The following LRP1B variants were observed in gnomAD, a reference collection of about 807,000 sequenced individuals.
LRP1B encodes low-density lipoprotein receptor-related protein 1B.
LRP1B carries 217 observed loss-of-function variants against 556.6 expected under a neutral mutation model. The observed-to-expected ratio is 0.39, with a 90% CI of 0.35 to 0.44. LRP1B has a LOEUF of 0.44. Among genes scored for constraint, LRP1B ranks in the 20% least tolerant of loss-of-function variants. The pLI is 1.00. For missense variants in LRP1B, 5,053 were observed against 5,620.8 expected (o/e 0.90, Z 3.23); for synonymous variants, 2,047 against 1,865.8 (o/e 1.10, Z -2.50).
At chr2:141,056,712 C>A (rs1294941286) in intron 9 of LRP1B, among the ~76,000 whole-genome samples, 1 of 151,850 alleles carries the variant, frequency 6.6e-6, no homozygotes, top group Non-Finnish European at 1.5e-5. Flanking sequence ...GTGATTACTG[C>A]CTTGGTGTTC....
chr2:140,822,909 A>G (rs574787743), intron 31 of LRP1B, among the ~76,000 whole-genome samples: 1 of 152,350 alleles, frequency 6.6e-6, no homozygotes, highest in East Asian at 1.9e-4. Flanking sequence ...CTGAATCTAT[A>G]AAGGAAGGAA....
chr2:141,211,883 C>T (rs1682569906), intron 6 of LRP1B, among the ~76,000 whole-genome samples: 1 of 152,092 alleles, frequency 6.6e-6, no homozygotes, highest in South Asian at 2.1e-4. Context: ...GCCTGATCTC[C>T]TCACTGAAAT....
chr2:141,946,447 G>C (rs563821110), intron 1 of LRP1B, among the ~76,000 whole-genome samples: 2 of 152,284 alleles, frequency 1.3e-5, no homozygotes, highest in East Asian at 3.9e-4. Flanking sequence ...ACGTGAATGA[G>C]ATTAGGTGAA....
At chr2:140,563,365 G>A (rs1398620372) in intron 43 of LRP1B, among the ~76,000 whole-genome samples, 1 of 152,104 alleles carries the variant, frequency 6.6e-6, no homozygotes, top group African/African-American at 2.4e-5. Context: ...TTCTTCTATT[G>A]CTTAGATAAT....
chr2:140,700,205 A>G, intron 41 of LRP1B, 45 bp downstream of exon 41: 1 of 1,500,930 alleles, frequency 6.7e-7, no homozygotes, highest in Non-Finnish European at 9.2e-7. Context: ...AGTAATCTAA[A>G]TGATACTCAT....
intron 18 of LRP1B, among the ~76,000 whole-genome samples, chr2:140,966,500 C>T (rs1482629590): frequency 6.6e-6 from 1 of 152,092 alleles, no homozygotes; most frequent in Admixed American, 6.6e-5. Flanking sequence ...CTGTAGGTTG[C>T]CTGTTCACTC....
At chr2:140,909,136 C>G (rs1056956649) in intron 21 of LRP1B, among the ~76,000 whole-genome samples, 1 of 152,070 alleles carries the variant, frequency 6.6e-6, no homozygotes, top group African/African-American at 2.4e-5. Context: ...AATTATTCCT[C>G]CTTTCGAAAC....
chr2:141,879,930 T>C (rs1205724947), intron 1 of LRP1B, among the ~76,000 whole-genome samples: 1 of 152,060 alleles, frequency 6.6e-6, no homozygotes, highest in Non-Finnish European at 1.5e-5. Flanking sequence ...TTCCTATGTG[T>C]TAACCTGGAC....
chr2:141,132,184 T>C (rs2105029743), intron 7 of LRP1B, among the ~76,000 whole-genome samples: 1 of 152,126 alleles, frequency 6.6e-6, no homozygotes, highest in East Asian at 1.9e-4. Flanking sequence ...AAACTCATGA[T>C]GAAATTTAAT....
intron 1 of LRP1B, among the ~76,000 whole-genome samples, chr2:142,029,110 C>T (rs1470783764): frequency 6.6e-6 from 1 of 151,718 alleles, no homozygotes; most frequent in Non-Finnish European, 1.5e-5. Flanking sequence ...TCTGTCCCTA[C>T]CCTTGACCAA....
chr2:141,051,313 A>T (rs1212760051), intron 10 of LRP1B, among the ~76,000 whole-genome samples: 1 of 152,128 alleles, frequency 6.6e-6, no homozygotes, highest in Admixed American at 6.6e-5. Flanking sequence ...TTCTACTATA[A>T]AGATACATGC....
chr2:140,922,913 G>A (rs1448961622), intron 21 of LRP1B, 52 bp downstream of exon 21: 2 of 1,506,398 alleles, frequency 1.3e-6, no homozygotes, highest in African/African-American at 2.8e-5. Flanking sequence ...TGAGCCAAAA[G>A]GACTCCACAC....
intron 2 of LRP1B, among the ~76,000 whole-genome samples, chr2:141,624,036 C>CAAAAAAAAAAAAAAAAAAAGAAAAAAAA: frequency 4.4e-5 from 4 of 90,754 alleles, no homozygotes; most frequent in African/African-American, 8.3e-5. Flanking sequence ...AAAAATTAAA[C>CAAAAAAAAAAAAAAAAAAAGAAAAAAAA]AAAAAAAAAA....
intron 77 of LRP1B, among the ~76,000 whole-genome samples, chr2:140,342,949 G>A (rs1681470396): frequency 6.6e-6 from 1 of 151,524 alleles, no homozygotes; most frequent in African/African-American, 2.4e-5. Context: ...TACATAAGAA[G>A]TAAATCTTCT....
At chr2:140,757,430 T>C (rs1033122835) in intron 35 of LRP1B, among the ~76,000 whole-genome samples, 2 of 152,198 alleles carry the variant, frequency 1.3e-5, no homozygotes, top group Non-Finnish European at 1.5e-5. Flanking sequence ...AAATGTCTTA[T>C]AGCAATAAAA....
chr2:140,369,921 G>A (rs1299929392), intron 71 of LRP1B, among the ~76,000 whole-genome samples: 2 of 151,904 alleles, frequency 1.3e-5, no homozygotes. Context: ...ACCAAGAAGT[G>A]TAAAATCTAT....
intron 35 of LRP1B, among the ~76,000 whole-genome samples, chr2:140,727,273 G>T (rs779850887): frequency 6.6e-6 from 1 of 152,106 alleles, no homozygotes; most frequent in Non-Finnish European, 1.5e-5. Context: ...CAAAACAAAC[G>T]TATTTTTATG....
chr2:141,913,807 C>T (rs749974685), intron 1 of LRP1B, among the ~76,000 whole-genome samples: 3 of 151,976 alleles, frequency 2.0e-5, no homozygotes, highest in Non-Finnish European at 4.4e-5. Flanking sequence ...AGTGCAGTGG[C>T]GTGATCTTGG....
At chr2:141,044,323 A>G (rs1205561181) in intron 11 of LRP1B, among the ~76,000 whole-genome samples, 6 of 151,700 alleles carry the variant, frequency 4.0e-5, no homozygotes, top group South Asian at 2.1e-4. Flanking sequence ...AACCCTAGAA[A>G]AAAACCTAGG....
Sources: allele counts gnomAD v4.1 joint callset (sites outside exome capture counted in the v4.1 genomes callset), GRCh38; gene constraint gnomAD v4.1.1; transcripts MANE v1.5; gene names NCBI Gene and HGNC (gene_info 2026-07-23, HGNC 2026-07-21).